GMDS: variants seen among roughly 807,000 people sequenced by gnomAD.
GMDS encodes the protein GDP-mannose 4,6-dehydratase.
In GMDS, 20 loss-of-function variants were observed where a neutral mutation model predicts 49.9. That is an observed-to-expected ratio of 0.40 (90% CI 0.28 to 0.58). GMDS has a LOEUF of 0.58. Ranked by LOEUF, GMDS falls within the 20% of genes least tolerant of loss-of-function variation. GMDS has a pLI of 0.42. For synonymous variants in GMDS, 177 were observed against 178.6 expected, an observed-to-expected ratio of 0.99 and a Z score of 0.07; for missense variants, 362 against 481.4, an observed-to-expected ratio of 0.75 and a Z score of 2.32.
At chr6:2,229,811 T>C (rs1297063444) in intron 1 of GMDS, among the ~76,000 whole-genome samples, 1 of 152,210 alleles carries the variant, frequency 6.6e-6, no homozygotes, top group Non-Finnish European at 1.5e-5. Flanking sequence ...GATAAATGAA[T>C]CTTTCAAAGC....
chr6:1,940,616 C>G (rs1290785002), intron 6 of GMDS, among the ~76,000 whole-genome samples: 1 of 152,156 alleles, frequency 6.6e-6, no homozygotes, highest in Non-Finnish European at 1.5e-5. Context: ...ACTGCAGGTA[C>G]TCAAAATCCA....
intron 1 of GMDS, among the ~76,000 whole-genome samples, chr6:2,176,272 A>G (rs115072945): frequency 1.8e-4 from 28 of 151,858 alleles, no homozygotes; most frequent in African/African-American, 6.3e-4. Flanking sequence ...CTTAAAAAAA[A>G]TTTTTTTTTC....
intron 6 of GMDS, among the ~76,000 whole-genome samples, chr6:1,932,355 T>A (rs953055801): frequency 7.2e-5 from 11 of 152,216 alleles, no homozygotes; most frequent in Middle Eastern, 3.4e-3. Context: ...ATGAAGAAGC[T>A]GAGATTCAGG....
chr6:1,743,122 A>T (rs948842463), intron 7 of GMDS, among the ~76,000 whole-genome samples: 2 of 152,254 alleles, frequency 1.3e-5, no homozygotes, highest in African/African-American at 4.8e-5. Context: ...AGTGCGAATC[A>T]TTAATGGAAA....
intron 1 of GMDS, among the ~76,000 whole-genome samples, chr6:2,197,923 G>A (rs1779344420): frequency 6.6e-6 from 1 of 152,202 alleles, no homozygotes; most frequent in Non-Finnish European, 1.5e-5. Context: ...ACAGGTACCA[G>A]TGGAGGATGC....
At chr6:1,936,339 C>T (rs1192145624) in intron 6 of GMDS, among the ~76,000 whole-genome samples, 1 of 152,098 alleles carries the variant, frequency 6.6e-6, no homozygotes, top group East Asian at 1.9e-4. Flanking sequence ...GACTTGAAGG[C>T]TAAGACTACT....
chr6:2,164,965 A>C (rs1258484351), intron 1 of GMDS, among the ~76,000 whole-genome samples: 1 of 152,192 alleles, frequency 6.6e-6, no homozygotes, highest in Non-Finnish European at 1.5e-5. Context: ...CAGATCCTTG[A>C]TTGCTTTAAG....
intron 2 of GMDS, among the ~76,000 whole-genome samples, chr6:2,118,716 C>T (rs891394799): frequency 3.3e-5 from 5 of 152,192 alleles, no homozygotes; most frequent in East Asian, 1.9e-4. Flanking sequence ...TCCAAAAGAA[C>T]GAAACCCAAG....
chr6:2,056,455 C>T lies in GMDS; in HGVS notation c.345+59316G>A, dbSNP rs146226683. 1.2e-4 allele frequency among the ~76,000 whole-genome samples: 19 copies of T among 152,244 alleles called. No individual in the cohort carries two copies. In the East Asian group the frequency reaches 3.3e-3, roughly 26 times the overall value. ...ACCAATACCATAAGCCTCAAATCTG[C>T]ACAAGAATAATGTCAGACTCTGACA... On this transcript the variant is annotated intron_variant, in intron 4 of 10. Transcript: ENST00000380815.
intron 7 of GMDS, among the ~76,000 whole-genome samples, chr6:1,877,239 A>T: frequency 6.6e-6 from 1 of 152,154 alleles, no homozygotes; most frequent in Non-Finnish European, 1.5e-5. Flanking sequence ...AAGAGGCCAA[A>T]AAAAGGGAAG....
At chr6:1,828,812 A>C (rs1771235951) in intron 7 of GMDS, among the ~76,000 whole-genome samples, 1 of 152,182 alleles carries the variant, frequency 6.6e-6, no homozygotes, top group Non-Finnish European at 1.5e-5. Context: ...AAATTTTAAA[A>C]ATGTAGCATA....
rs113685483 is a variant in GMDS, at chr6:1,703,268, C to T, written c.987+23148G>A. Reference sequence around the variant, plus strand: ...CTGCCTCCTCTGTCCCTGCCTCCACCCCTCTGGCTCTTGCTCTTCCTCAGG... The same window carrying T: ...CTGCCTCCTCTGTCCCTGCCTCCACTCCTCTGGCTCTTGCTCTTCCTCAGG... On this transcript the variant is annotated intron_variant, in intron 9 of 10. Transcript: ENST00000380815. Among the ~76,000 whole-genome samples, 962 of 152,168 alleles carry T rather than the reference C, an allele frequency of 6.3e-3. 7 individuals are homozygous for T. The highest frequency in any genetic ancestry group is 0.011 in the Non-Finnish European group (754 of 68,000).
intron 1 of GMDS, among the ~76,000 whole-genome samples, chr6:2,156,940 A>G (rs963463683): frequency 6.6e-6 from 1 of 152,210 alleles, no homozygotes; most frequent in Admixed American, 6.5e-5. Context: ...ATTGAACATA[A>G]AACTATCAAC....
chr6:2,122,640 T>A (rs1312167110), intron 2 of GMDS, among the ~76,000 whole-genome samples: 1 of 152,242 alleles, frequency 6.6e-6, no homozygotes, highest in Non-Finnish European at 1.5e-5. Context: ...TTCCTCCTAA[T>A]GGTTTATTCT....
chr6:1,734,737 G>C (rs1289978528), intron 8 of GMDS, among the ~76,000 whole-genome samples: 2 of 152,198 alleles, frequency 1.3e-5, no homozygotes, highest in South Asian at 2.1e-4. Flanking sequence ...TAATAGGGAG[G>C]CTCCCCTCTA....
intron 7 of GMDS, among the ~76,000 whole-genome samples, chr6:1,770,483 T>C (rs1768537472): frequency 6.6e-6 from 1 of 152,218 alleles, no homozygotes; most frequent in African/African-American, 2.4e-5. Flanking sequence ...ACAGACACCA[T>C]CAACGCGGCT....
rs377275403 is a variant in GMDS at position 2,115,501 on chromosome 6, C to G, written c.345+270G>C. On this transcript the variant is annotated intron_variant, in intron 4 of 10. Transcript: ENST00000380815. Reference sequence around the variant, plus strand: ...AAATGGCAGAAAACACATCCATGGGCCTCATGGCTACAGGGAACAACCCAA... The same window carrying G: ...AAATGGCAGAAAACACATCCATGGGGCTCATGGCTACAGGGAACAACCCAA... 2.6e-5 allele frequency among the ~76,000 whole-genome samples: 4 copies of G among 152,236 alleles called. No homozygotes were observed. The East Asian group carries it at 7.7e-4, about 29-fold the overall frequency.
intron 6 of GMDS, among the ~76,000 whole-genome samples, chr6:1,951,467 A>G (rs1186681523): frequency 6.6e-6 from 1 of 152,212 alleles, no homozygotes; most frequent in Admixed American, 6.5e-5. Flanking sequence ...AAACAGTGCT[A>G]GTACACCATC....
At chr6:2,105,978 C>T (rs188791208) in intron 4 of GMDS, among the ~76,000 whole-genome samples, 2 of 152,266 alleles carry the variant, frequency 1.3e-5, no homozygotes, top group East Asian at 3.9e-4. Flanking sequence ...AGTCTCTTAA[C>T]GATAAACTGT....
Sources: allele counts gnomAD v4.1 joint callset (sites outside exome capture counted in the v4.1 genomes callset), GRCh38; gene constraint gnomAD v4.1.1; transcripts MANE v1.5; gene names NCBI Gene and HGNC (gene_info 2026-07-23, HGNC 2026-07-21).